The following PCDHGB5 variants were observed in gnomAD, a reference collection of about 807,000 sequenced individuals.
The protein encoded by PCDHGB5 is protocadherin gamma-B5.
In PCDHGB5, 48 loss-of-function variants were observed where a neutral mutation model predicts 62.9. The observed-to-expected ratio is 0.76, with a 90% CI of 0.61 to 0.97. The LOEUF is 0.97. Among genes scored for constraint, PCDHGB5 ranks in the 50% least tolerant of loss-of-function variants. PCDHGB5 has a pLI of 0.00. For missense variants in PCDHGB5, 1,118 were observed against 1,198.6 expected (o/e 0.93, Z 0.99); for synonymous variants, 474 against 511.2 (o/e 0.93, Z 0.98).
chr5:141,506,435 G>T (rs1470687416), intron 3 of PCDHGB5, among the ~76,000 whole-genome samples: 1 of 126,234 alleles, frequency 7.9e-6, no homozygotes, highest in Non-Finnish European at 1.6e-5. Context: ...CAACAGTCTC[G>T]CTCTGTCTCA....
chr5:141,501,164 G>C (rs991995325), intron 2 of PCDHGB5, among the ~76,000 whole-genome samples: 32 of 152,144 alleles, frequency 2.1e-4, no homozygotes, highest in African/African-American at 7.7e-4. Context: ...ACCATCCCCA[G>C]CCTCATTTAC....
chr5:141,414,427 C>G lies in PCDHGB5; in HGVS notation c.2397+13903C>G, dbSNP rs766147938. The G allele has an allele frequency of 6.2e-6, 10 of 1,613,684 alleles. No individual in the cohort carries two copies. The highest frequency in any genetic ancestry group is 1.6e-4 in the Middle Eastern group (1 of 6,084). On this transcript the variant is annotated intron_variant, in intron 1 of 3. Coordinates refer to ENST00000617380, the MANE Select transcript of PCDHGB5 (RefSeq NM_018925.3). ...GATACACAGAGCCCTTGACAGGGAA[C>G]AGGTATCCTCTTACAATATCACAGT... is the stretch of plus-strand genomic sequence containing the variant.
intron 2 of PCDHGB5, among the ~76,000 whole-genome samples, chr5:141,498,039 A>G (rs2099781185): frequency 6.6e-6 from 1 of 152,264 alleles, no homozygotes; most frequent in Non-Finnish European, 1.5e-5. Flanking sequence ...CCAAATAATT[A>G]CAAAAATAAA....
At position 141,432,902 on chromosome 5, in the gene PCDHGB5, A is replaced by C. The variant is rs992417865; in HGVS notation, c.2397+32378A>C. The C allele has an allele frequency of 1.2e-6, 2 of 1,614,028 alleles. No homozygotes were observed. The highest frequency in any genetic ancestry group is 2.7e-5 in the African/African-American group (2 of 74,924). On this transcript the variant is annotated intron_variant, in intron 1 of 3. Coordinates refer to ENST00000617380, the MANE Select transcript of PCDHGB5 (RefSeq NM_018925.3). The surrounding 1 kb of genome is among the most constrained non-coding windows in gnomAD (Gnocchi z 6.0). ...CTTCGTCATCTTGCTGCTGGCGCTCAGGCTGCGGCGCTGGCACAAGTCACG... is the reference window on the plus strand; with the variant it reads ...CTTCGTCATCTTGCTGCTGGCGCTCCGGCTGCGGCGCTGGCACAAGTCACG...
At chr5:141,506,962 G>A (rs2099857578) in intron 3 of PCDHGB5, 1 of 152,196 alleles carries the variant, frequency 6.6e-6, no homozygotes, top group Non-Finnish European at 1.5e-5. Context: ...CCTCTCAATA[G>A]CTCTGCAAGG....
At chr5:141,421,720 G>A (rs372813759) in intron 1 of PCDHGB5, 4 of 1,613,788 alleles carry the variant, frequency 2.5e-6, no homozygotes, top group Non-Finnish European at 3.4e-6. Context: ...AGATGTGGGC[G>A]TGAACTCCCT....
rs554339110 is a variant in PCDHGB5 at position 141,398,932 on chromosome 5, C to T, written c.805C>T (p.Gln269Ter). 6.2e-7 allele frequency: 1 copy of T among 1,613,900 alleles called. No homozygotes were observed. Among genetic ancestry groups the T allele is most frequent in the Non-Finnish European group, 8.5e-7 (1 of 1,179,860 alleles). Residue 269 changes from glutamine to a stop codon, truncating the protein, a stop_gained, in exon 1 of 4, where the codon CAA (glutamine) becomes TAA (stop). Coordinates refer to ENST00000617380, the MANE Select transcript of PCDHGB5 (RefSeq NM_018925.3). LOFTEE classifies it high-confidence loss of function. ...TTVLQVSATDQDEGINSEITY... is the reference protein window; with the variant it reads ...TTVLQVSATD Reference sequence around the variant, plus strand: ...TGTGTTGCAAGTGTCAGCCACTGACCAAGACGAGGGCATCAACTCAGAAAT... The same window carrying T: ...TGTGTTGCAAGTGTCAGCCACTGACTAAGACGAGGGCATCAACTCAGAAAT...
intron 1 of PCDHGB5, chr5:141,422,513 G>A (rs765955739): frequency 6.2e-7 from 1 of 1,614,000 alleles, no homozygotes. Context: ...ACAGACCAGG[G>A]AAGCCCGCCT....
In PCDHGB5 at chr5:141,420,134, G is replaced by A. The variant is rs769225630; in HGVS notation, c.2397+19610G>A. The A allele has an allele frequency of 1.1e-5, 18 of 1,613,952 alleles. No homozygotes were observed. Among genetic ancestry groups the A allele is most frequent in the Non-Finnish European group, 1.4e-5 (17 of 1,179,876 alleles). Reference sequence around the variant, plus strand: ...TGCCTATAATTTTTGTGTGCCTGGGGATCAAATGAATCCAGAATTTAATTT... The same window carrying A: ...TGCCTATAATTTTTGTGTGCCTGGGAATCAAATGAATCCAGAATTTAATTT... On this transcript the variant is annotated intron_variant, in intron 1 of 3. Coordinates refer to ENST00000617380, the MANE Select transcript of PCDHGB5 (RefSeq NM_018925.3).
At chr5:141,456,421 A>C (rs1358944131) in intron 1 of PCDHGB5, among the ~76,000 whole-genome samples, 1 of 152,150 alleles carries the variant, frequency 6.6e-6, no homozygotes, top group Non-Finnish European at 1.5e-5. Context: ...GAAACAATTC[A>C]AGTTATAGTA....
rs1232257433 is a variant in PCDHGB5, at chr5:141,400,036, C to G, written c.1909C>G (p.Arg637Gly). 28 of 1,613,256 alleles carry G rather than the reference C, an allele frequency of 1.7e-5. No homozygotes were observed. The highest frequency in any genetic ancestry group is 2.4e-5 in the Non-Finnish European group (28 of 1,179,796). The change falls in exon 1 of 4, where the codon CGC becomes GGC. Residue 637 changes from arginine to glycine, a missense_variant. Physicochemically the swap from Arg to Gly is moderately radical, Grantham distance 125 (BLOSUM62 -2). Transcript: ENST00000617380. ...ALGDRDAARQ[R>G]LLVAVRDGGQ... ...GGGCGACAGGGACGCGGCCCGCCAG[C>G]GCCTGCTGGTTGCTGTGCGTGATGG...
At position 141,432,552 on chromosome 5, in the gene PCDHGB5, C is replaced by G. The variant is rs1181931321; in HGVS notation, c.2397+32028C>G. ...AAGGTGGTGGCGGTGGACAGAGACT[C>G]CGGCCAGAACGCCTGGCTGTCCTAC... On this transcript the variant is annotated intron_variant, in intron 1 of 3. Coordinates refer to ENST00000617380, the MANE Select transcript of PCDHGB5 (RefSeq NM_018925.3). The surrounding 1 kb of genome is among the most constrained non-coding windows in gnomAD (Gnocchi z 6.0). The G allele has an allele frequency of 6.2e-7, 1 of 1,613,970 alleles. No homozygotes were observed. The highest frequency in any genetic ancestry group is 1.1e-5 in the South Asian group (1 of 91,064).
At chr5:141,468,746 G>A (rs1298497433) in intron 1 of PCDHGB5, among the ~76,000 whole-genome samples, 1 of 151,850 alleles carries the variant, frequency 6.6e-6, no homozygotes, top group Non-Finnish European at 1.5e-5. Flanking sequence ...GGTGCCTGTA[G>A]TCCCAGCTAC....
chr5:141,432,632 G>A lies in PCDHGB5; in HGVS notation c.2397+32108G>A. 3.7e-6 allele frequency: 6 copies of A among 1,612,834 alleles called. No individual in the cohort carries two copies. The highest frequency in any genetic ancestry group is 5.1e-6 in the Non-Finnish European group (6 of 1,179,706). On this transcript the variant is annotated intron_variant, in intron 1 of 3. Coordinates refer to ENST00000617380, the MANE Select transcript of PCDHGB5 (RefSeq NM_018925.3). The surrounding 1 kb of genome is among the most constrained non-coding windows in gnomAD (Gnocchi z 6.0). ...CTTCTCGGTGGGTCTGCACACGGGC[G>A]AGGTGCGCACGGCGCGAGCCCTGCT...
chr5:141,476,306 C>T lies in PCDHGB5; in HGVS notation c.2398-18501C>T, dbSNP rs1011265476. The T allele has an allele frequency of 1.2e-6, 2 of 1,613,464 alleles. No homozygotes were observed. Among genetic ancestry groups the T allele is most frequent in the African/African-American group, 2.7e-5 (2 of 74,688 alleles). On this transcript the variant is annotated intron_variant, in intron 1 of 3. Transcript: ENST00000617380. The surrounding 1 kb of genome is among the most constrained non-coding windows in gnomAD (Gnocchi z 7.6). ...TTTGGATCTCGGTAGCCTCTCAGCCCGCAGGTTCCGGGTGGTGTCTGGAGC... is the reference window on the plus strand; with the variant it reads ...TTTGGATCTCGGTAGCCTCTCAGCCTGCAGGTTCCGGGTGGTGTCTGGAGC...
intron 2 of PCDHGB5, among the ~76,000 whole-genome samples, chr5:141,505,066 G>A (rs1312509903): frequency 6.6e-6 from 1 of 152,190 alleles, no homozygotes; most frequent in Non-Finnish European, 1.5e-5. Flanking sequence ...GGAGACTGAG[G>A]CAGGAGAATC....
At position 141,427,779 on chromosome 5, in the gene PCDHGB5, C is replaced by T. The variant is rs1196661076; in HGVS notation, c.2397+27255C>T. On this transcript the variant is annotated intron_variant, in intron 1 of 3. Transcript: ENST00000617380. Reference sequence around the variant, plus strand: ...TACCACTGACTTGGAGCTGCGGGCACTGTCGTCCTACGTGTCCGTGAGCGC... The same window carrying T: ...TACCACTGACTTGGAGCTGCGGGCATTGTCGTCCTACGTGTCCGTGAGCGC... 2.1e-6 allele frequency: 3 copies of T among 1,454,498 alleles called. No individual in the cohort carries two copies. The East Asian group carries it at 6.8e-5, about 33-fold the overall frequency. The allele number at this position is 1,454,498 out of a possible 1,614,324, so 90.1% of individuals were successfully genotyped here. A position where few individuals can be genotyped will look rare whatever the true frequency, so the allele number is the denominator to read the frequency against.
chr5:141,419,358 C>A (rs569760413), intron 1 of PCDHGB5: 1 of 1,613,810 alleles, frequency 6.2e-7, no homozygotes, highest in South Asian at 1.1e-5. Flanking sequence ...GAGTCACGAA[C>A]GCTGTCGTCC....
At chr5:141,501,540 A>G (rs151047391) in intron 2 of PCDHGB5, among the ~76,000 whole-genome samples, 2 of 152,138 alleles carry the variant, frequency 1.3e-5, no homozygotes, top group East Asian at 3.9e-4. Flanking sequence ...GTTGTTGTGC[A>G]TAAGATCATA....
Sources: gnomAD v4.1 joint callset for allele counts (sites outside exome capture counted in the v4.1 genomes callset) on GRCh38, gnomAD v4.1.1 for gene constraint, Gnocchi (gnomAD v3.1) non-coding constraint, MANE v1.5 for transcripts, NCBI Gene and HGNC (gene_info 2026-07-23, HGNC 2026-07-21) for gene names.